DENND4C: variants seen among roughly 807,000 people sequenced by gnomAD.
DENND4C encodes DENN domain-containing protein 4C.
In DENND4C, 108 loss-of-function variants were observed where a neutral mutation model predicts 203.0. That is an observed-to-expected ratio of 0.53 (90% CI 0.46 to 0.62). The LOEUF is 0.62. DENND4C is among the 20% of genes least tolerant of loss of function. The pLI is 0.00. For synonymous variants in DENND4C, 871 were observed against 792.4 expected, an observed-to-expected ratio of 1.10 and a Z score of -1.67; for missense variants, 2,481 against 2,301.2, an observed-to-expected ratio of 1.08 and a Z score of -1.60.
Position 19,297,756 on chromosome 9 carries a change from T to C in DENND4C, c.1041-300T>C, listed in dbSNP as rs377591809. On this transcript the variant is annotated intron_variant, in intron 6 of 32. Transcript: ENST00000434457. ...TAGTTGCTCCCTGTACTGGCACAGA[T>C]AACCAGGGCTATAAAAATTCACTTC... Among the ~76,000 whole-genome samples the C allele has an allele frequency of 4.5e-4, 69 of 152,286 alleles. No individual in the cohort carries two copies. The East Asian group carries it at 0.011, about 23-fold the overall frequency.
chr9:19,261,939 A>G (rs1829459940), intron 1 of DENND4C, among the ~76,000 whole-genome samples: 1 of 151,636 alleles, frequency 6.6e-6, no homozygotes, highest in Admixed American at 6.6e-5. Flanking sequence ...ACTTTATTTT[A>G]TTTGTAGATA....
At chr9:19,321,624 C>A (rs1842891660) in intron 12 of DENND4C, among the ~76,000 whole-genome samples, 1 of 151,874 alleles carries the variant, frequency 6.6e-6, no homozygotes, top group African/African-American at 2.4e-5. Context: ...GCAGGTGGAT[C>A]ACTTGAGGTC....
chr9:19,315,267 C>T (rs925832817), intron 10 of DENND4C, among the ~76,000 whole-genome samples: 58 of 151,694 alleles, frequency 3.8e-4, no homozygotes, highest in African/African-American at 1.3e-3. Flanking sequence ...AACTATGTGT[C>T]CTGTTCTGTG....
intron 23 of DENND4C, among the ~76,000 whole-genome samples, chr9:19,347,605 A>C (rs544420126): frequency 3.9e-5 from 6 of 152,250 alleles, no homozygotes; most frequent in Admixed American, 2.6e-4. Flanking sequence ...TTTAAAAACT[A>C]TGCATATTTG....
At chr9:19,323,474 A>G (rs996288626) in intron 12 of DENND4C, among the ~76,000 whole-genome samples, 10 of 151,618 alleles carry the variant, frequency 6.6e-5, no homozygotes, top group African/African-American at 2.2e-4. Context: ...AAGTGTTTTC[A>G]TGGTTTGTGC....
chr9:19,360,939 T>C (rs1473204255), intron 29 of DENND4C, among the ~76,000 whole-genome samples: 1 of 152,222 alleles, frequency 6.6e-6, no homozygotes, highest in African/African-American at 2.4e-5. Flanking sequence ...AATGGCGTGA[T>C]CTCGGCTCAT....
chr9:19,365,811 A>G (rs1388597205), intron 30 of DENND4C, among the ~76,000 whole-genome samples: 1 of 151,950 alleles, frequency 6.6e-6, no homozygotes, highest in Non-Finnish European at 1.5e-5. Flanking sequence ...AACTAAGAAA[A>G]CAATTTTATT....
At chr9:19,283,256 C>G (rs1834494097) in intron 2 of DENND4C, among the ~76,000 whole-genome samples, 1 of 152,062 alleles carries the variant, frequency 6.6e-6, no homozygotes, top group Non-Finnish European at 1.5e-5. Context: ...TCATCACTAT[C>G]TCTGCCTTCC....
intron 22 of DENND4C, among the ~76,000 whole-genome samples, chr9:19,344,065 T>G (rs909523615): frequency 1.1e-4 from 16 of 152,230 alleles, no homozygotes; most frequent in African/African-American, 3.9e-4. Flanking sequence ...TTATTCTGAT[T>G]AATTGATATG....
intron 1 of DENND4C, among the ~76,000 whole-genome samples, chr9:19,259,023 C>G (rs566589301): frequency 6.6e-6 from 1 of 152,086 alleles, no homozygotes; most frequent in South Asian, 2.1e-4. Context: ...TATTTTGATA[C>G]AGGCATACAG....
At chr9:19,331,682 C>T (rs1195591030) in intron 16 of DENND4C, among the ~76,000 whole-genome samples, 1 of 152,172 alleles carries the variant, frequency 6.6e-6, no homozygotes, top group African/African-American at 2.4e-5. Context: ...TTGTAAAAGA[C>T]ATGAGCCATT....
chr9:19,310,350 A>G (rs974286357), intron 10 of DENND4C, among the ~76,000 whole-genome samples: 3 of 152,220 alleles, frequency 2.0e-5, no homozygotes, highest in African/African-American at 7.2e-5. Flanking sequence ...GCAGTTTGTC[A>G]TAAAGTATGA....
intron 1 of DENND4C, among the ~76,000 whole-genome samples, chr9:19,242,108 A>G (rs774356744): frequency 5.9e-5 from 9 of 152,190 alleles, no homozygotes; most frequent in Non-Finnish European, 1.3e-4. Flanking sequence ...GCCCTTGGCA[A>G]CTACTGTTTT....
chr9:19,245,640 A>G (rs1358435602), intron 1 of DENND4C, among the ~76,000 whole-genome samples: 1 of 152,034 alleles, frequency 6.6e-6, no homozygotes, highest in Non-Finnish European at 1.5e-5. Context: ...GTGGATCACG[A>G]AGTCAGGGGT....
intron 1 of DENND4C, among the ~76,000 whole-genome samples, chr9:19,241,798 G>C (rs1407211284): frequency 6.6e-6 from 1 of 151,874 alleles, no homozygotes; most frequent in Non-Finnish European, 1.5e-5. Flanking sequence ...TGGGACGATC[G>C]CTTGAGCTCA....
intron 8 of DENND4C, 48 bp downstream of exon 8, chr9:19,299,335 T>C: frequency 7.7e-7 from 1 of 1,296,440 alleles, no homozygotes; most frequent in East Asian, 2.4e-5. Context: ...TGGAGCAGAA[T>C]GCTTTAAAAT....
At chr9:19,345,250 C>G (rs887041512) in intron 22 of DENND4C, among the ~76,000 whole-genome samples, 15 of 152,162 alleles carry the variant, frequency 9.9e-5, no homozygotes, top group African/African-American at 3.6e-4. Context: ...CTGCTATGGC[C>G]ATTAGCATAT....
intron 1 of DENND4C, among the ~76,000 whole-genome samples, chr9:19,254,421 A>G (rs1564089679): frequency 6.6e-6 from 1 of 152,240 alleles, no homozygotes; most frequent in African/African-American, 2.4e-5. Flanking sequence ...AAAGAAGGAA[A>G]TCCTGTCATT....
At chr9:19,339,081 T>A (rs1821078668) in intron 20 of DENND4C, among the ~76,000 whole-genome samples, 1 of 152,212 alleles carries the variant, frequency 6.6e-6, no homozygotes. Flanking sequence ...CTAGATTCCC[T>A]TGTTTTTAGT....
Sources: gnomAD v4.1 joint callset for allele counts (sites outside exome capture counted in the v4.1 genomes callset) on GRCh38, gnomAD v4.1.1 for gene constraint, MANE v1.5 for transcripts, NCBI Gene and HGNC (gene_info 2026-07-23, HGNC 2026-07-21) for gene names.